The following RPAP2 variants were observed in gnomAD, a reference collection of about 807,000 sequenced individuals.
RPAP2 encodes the protein putative RNA polymerase II subunit B1 CTD phosphatase RPAP2.
A neutral mutation model predicts 73.1 loss-of-function variants in RPAP2; 52 were observed. That is an observed-to-expected ratio of 0.71 (90% CI 0.57 to 0.90). RPAP2 has a LOEUF of 0.90. RPAP2 is among the 40% of genes least tolerant of loss of function. The pLI, the probability that RPAP2 is intolerant of heterozygous loss-of-function variation, is 0.00. For synonymous variants in RPAP2, 225 were observed against 242.1 expected, an observed-to-expected ratio of 0.93 and a Z score of 0.65; for missense variants, 598 against 701.8, an observed-to-expected ratio of 0.85 and a Z score of 1.67.
chr1:92,330,164 C>T lies in RPAP2; in HGVS notation c.1456-3227C>T, dbSNP rs528573300. Among the ~76,000 whole-genome samples the T allele has an allele frequency of 5.6e-4, 85 of 152,288 alleles. 1 individual carries two copies. The highest frequency in any genetic ancestry group is 1.9e-3 in the African/African-American group (81 of 41,566). On this transcript the variant is annotated intron_variant, in intron 8 of 12. Transcript: ENST00000610020. ...ATAAAAGCCAGAGAGCAAGGAAGCC[C>T]ATTGATGCAGCCCATACAGATCAGC...
At chr1:92,357,146 A>G (rs886937724) in intron 11 of RPAP2, among the ~76,000 whole-genome samples, 1 of 151,876 alleles carries the variant, frequency 6.6e-6, no homozygotes, top group African/African-American at 2.4e-5. Context: ...GAGCAATGCT[A>G]TGAGTAAGAC....
intron 12 of RPAP2, among the ~76,000 whole-genome samples, chr1:92,385,300 A>G (rs1036927286): frequency 3.9e-5 from 6 of 152,216 alleles, no homozygotes; most frequent in Non-Finnish European, 8.8e-5. Context: ...CATATTTTAA[A>G]CTTGTACATA....
chr1:92,304,037 C>A lies in RPAP2; in HGVS notation c.295C>A (p.Leu99Ile). The A allele has an allele frequency of 6.2e-7, 1 of 1,613,058 alleles. No homozygotes were observed. The highest frequency in any genetic ancestry group is 8.5e-7 in the Non-Finnish European group (1 of 1,179,546). ...DVVDERSIVK[L>I]CGYPLCQKKL... is the part of the protein sequence containing the mutation. ...CGTGGATGAACGTTCTATTGTCAAA[C>A]TCTGTGGTTATCCTTTATGTCAGAA... Residue 99 changes from leucine to isoleucine, a missense_variant, in exon 4 of 13, where the codon CTC becomes ATC. Physicochemically the swap from Leu to Ile is conservative, Grantham distance 5. Coordinates refer to ENST00000610020, the MANE Select transcript of RPAP2 (RefSeq NM_024813.3).
At chr1:92,307,627 T>A (rs1237203429) in intron 6 of RPAP2, among the ~76,000 whole-genome samples, 2 of 152,198 alleles carry the variant, frequency 1.3e-5, no homozygotes, top group East Asian at 3.8e-4. Context: ...AGGATCCAGG[T>A]GAACTCTGCT....
At chr1:92,317,274 C>G (rs1311913212) in intron 6 of RPAP2, among the ~76,000 whole-genome samples, 1 of 151,930 alleles carries the variant, frequency 6.6e-6, no homozygotes, top group Admixed American at 6.6e-5. Flanking sequence ...TTTGGGAGGC[C>G]GAGGCGGGTG....
intron 11 of RPAP2, among the ~76,000 whole-genome samples, chr1:92,354,890 AATTATT>A (rs58610684): frequency 1.2e-3 from 180 of 147,686 alleles, no homozygotes; most frequent in African/African-American, 3.7e-3. Context: ...AATTTATGTA[AATTATT>A]ATTATTATTA....
At chr1:92,313,045 TAGTAG>T (rs1368058086) in intron 6 of RPAP2, among the ~76,000 whole-genome samples, 1 of 152,176 alleles carries the variant, frequency 6.6e-6, no homozygotes, top group Admixed American at 6.5e-5. Context: ...TTTGTATTTT[TAGTAG>T]AGATGGGGGT....
chr1:92,366,533 CT>C (rs1167930787), intron 11 of RPAP2, among the ~76,000 whole-genome samples: 1 of 152,090 alleles, frequency 6.6e-6, no homozygotes, highest in Non-Finnish European at 1.5e-5. Context: ...TATTGTGTTA[CT>C]TTGGGGAGGA....
In RPAP2 at chr1:92,388,060, T is replaced by C. The variant is rs1655927609; in HGVS notation, c.*1049T>C. The C allele has an allele frequency of 6.6e-6, 1 of 152,178 alleles. No homozygotes were observed. Among genetic ancestry groups the C allele is most frequent in the African/African-American group, 2.4e-5 (1 of 41,448 alleles). 9.4% of individuals were successfully genotyped at this position (152,178 alleles called of 1,614,324 possible). On this transcript the variant is annotated 3_prime_UTR_variant, in exon 13 of 13. Transcript: ENST00000610020. The stretch of plus-strand genomic sequence containing the variant: ...ACCACAACAAAAAATCATAGTGTAA[T>C]AGAATTAATCAAGTTCAGCAAGGTC...
In RPAP2 at chr1:92,389,768, T is replaced by C. The variant is rs1655982425; in HGVS notation, c.*2757T>C. ...AGCATACACAAGCTTCAATAGCCAA[T>C]TCGATCAAGTGGAAGAAAGGATATC... On this transcript the variant is annotated 3_prime_UTR_variant, in exon 13 of 13. Transcript: ENST00000610020. The C allele has an allele frequency of 6.6e-6, 1 of 152,014 alleles. No homozygotes were observed. The highest frequency in any genetic ancestry group is 1.5e-5 in the Non-Finnish European group (1 of 68,016). 9.4% of individuals were successfully genotyped at this position (152,014 alleles called of 1,614,324 possible).
intron 2 of RPAP2, 52 bp from the exon 3 acceptor site, chr1:92,301,424 A>T: frequency 1.1e-6 from 1 of 907,742 alleles, no homozygotes; most frequent in Non-Finnish European, 1.7e-6. Context: ...TAAAACATGG[A>T]ATGTTGGACA....
chr1:92,317,606 C>G (rs962444812), intron 6 of RPAP2, among the ~76,000 whole-genome samples: 1 of 152,098 alleles, frequency 6.6e-6, no homozygotes, highest in Non-Finnish European at 1.5e-5. Flanking sequence ...TGAAAAAGTG[C>G]TGGAGATGCA....
chr1:92,303,004 G>A (rs920311551), intron 3 of RPAP2, among the ~76,000 whole-genome samples: 9 of 152,126 alleles, frequency 5.9e-5, no homozygotes, highest in African/African-American at 2.2e-4. Flanking sequence ...TTTGAGACCA[G>A]TCTGGACAAC....
chr1:92,364,596 C>G (rs997526956), intron 11 of RPAP2, among the ~76,000 whole-genome samples: 1 of 152,036 alleles, frequency 6.6e-6, no homozygotes, highest in African/African-American at 2.4e-5. Context: ...TCAAATGGCC[C>G]CTTTTGGTGG....
chr1:92,357,890 TA>T (rs1483540648), intron 11 of RPAP2, among the ~76,000 whole-genome samples: 2 of 152,220 alleles, frequency 1.3e-5, no homozygotes, highest in Admixed American at 6.5e-5. Flanking sequence ...GAAAGTCATT[TA>T]AATTTTTTGT....
Position 92,398,451 on chromosome 1 carries a change from C to G in RPAP2, c.*11440C>G, listed in dbSNP as rs1049066317. 4.6e-5 allele frequency: 7 copies of G among 152,154 alleles called. No individual in the cohort carries two copies. Among genetic ancestry groups the G allele is most frequent in the African/African-American group, 1.7e-4 (7 of 41,420 alleles). 9.4% of individuals were successfully genotyped at this position (152,154 alleles called of 1,614,324 possible). On this transcript the variant is annotated 3_prime_UTR_variant, in exon 13 of 13. Coordinates refer to ENST00000610020, the MANE Select transcript of RPAP2 (RefSeq NM_024813.3). ...GTTGATCTTCCTACTCATTAGGGGA[C>G]AAGATCAATTCTCTAAAAAATTAAC...
Position 92,300,181 on chromosome 1 carries a change from A to G in RPAP2, c.74-13A>G. 1 of 1,594,698 alleles carries G rather than the reference A, an allele frequency of 6.3e-7. No homozygotes were observed. Among genetic ancestry groups the G allele is most frequent in the Non-Finnish European group, 8.6e-7 (1 of 1,164,150 alleles). On this transcript the variant is annotated splice_polypyrimidine_tract_variant and intron_variant, in intron 1 of 12. Coordinates refer to ENST00000610020, the MANE Select transcript of RPAP2 (RefSeq NM_024813.3). Reference sequence around the variant, plus strand: ...ATGTCATTATGTAGCACATGACTGTATTTTTATTGTAGGTACTAAACAGAC... The same window carrying G: ...ATGTCATTATGTAGCACATGACTGTGTTTTTATTGTAGGTACTAAACAGAC...
intron 8 of RPAP2, among the ~76,000 whole-genome samples, chr1:92,330,062 G>T (rs1332857818): frequency 6.6e-6 from 1 of 152,170 alleles, no homozygotes; most frequent in Non-Finnish European, 1.5e-5. Context: ...TACCAAGGAA[G>T]TGCTGCTTGT....
chr1:92,323,488 A>G lies in RPAP2; in HGVS notation c.568A>G (p.Lys190Glu), dbSNP rs756056442. 4 of 1,612,908 alleles carry G rather than the reference A, an allele frequency of 2.5e-6. No individual in the cohort carries two copies. Among genetic ancestry groups the G allele is most frequent in the South Asian group, 2.2e-5 (2 of 90,874 alleles). The change falls in exon 8 of 13, where the codon AAA (lysine) becomes GAA (glutamate). Residue 190 changes from lysine (K) to glutamate (E), a missense_variant. Around this residue, in one of 3 missense-constraint regions of RPAP2, gnomAD observed 506 missense variants for 612.8 expected, o/e 0.83. Coordinates refer to ENST00000610020, the MANE Select transcript of RPAP2 (RefSeq NM_024813.3). ...AGTACAGTTATGCAGTAAAGCCATT[A>G]AAACATCAGATATCGACAATCCTAG... ...EEVQLCSKAI[K>E]TSDIDNPSHF...
Sources: gnomAD v4.1 joint callset for allele counts (sites outside exome capture counted in the v4.1 genomes callset) on GRCh38, gnomAD v4.1.1 for gene constraint, gnomAD v4.1.1 regional missense constraint, MANE v1.5 for transcripts, NCBI Gene and HGNC (gene_info 2026-07-23, HGNC 2026-07-21) for gene names.